The following FRAS1 variants were observed in gnomAD, a reference collection of about 807,000 sequenced individuals.
FRAS1 encodes extracellular matrix organizing protein FRAS1.
FRAS1 carries 290 observed loss-of-function variants against 435.2 expected under a neutral mutation model. The observed-to-expected ratio is 0.67, with a 90% confidence interval of 0.61 to 0.73. The LOEUF (loss-of-function observed/expected upper bound fraction) is 0.73, where lower values mean the gene tolerates loss of function less well. Among genes scored for constraint, FRAS1 ranks in the 30% least tolerant of loss-of-function variants. The probability of loss-of-function intolerance (pLI) is 0.00; values close to 1 mark genes in which losing one functional copy is unlikely to be tolerated. For synonymous variants in FRAS1, 1,800 were observed against 1,851.0 expected (o/e 0.97, Z 0.71); for missense variants, 4,860 against 5,001.5 (o/e 0.97, Z 0.85).
At chr4:78,059,524 G>T (rs1739650125) in intron 1 of FRAS1, among the ~76,000 whole-genome samples, 1 of 147,236 alleles carries the variant, frequency 6.8e-6, no homozygotes, top group Admixed American at 6.8e-5. Context: ...AAAAAAAAAA[G>T]CTTGTAGGGC....
chr4:78,270,023 G>C (rs1003758311), intron 9 of FRAS1, among the ~76,000 whole-genome samples: 1 of 152,144 alleles, frequency 6.6e-6, no homozygotes, highest in South Asian at 2.1e-4. Context: ...GGTGGGGAAA[G>C]GGTAGAGATT....
rs1043128715 is a variant in FRAS1 at position 78,364,050 on chromosome 4, C to T, written c.2718C>T (p.Cys906=). ...ACTATCTTGATGACAATCATGTTTG[C>T]CAGCGTAGGTTTTTCCAATGAACCT... ...PGHYLDDNHV[C]QPCNTHCGSC... is the part of the protein sequence containing the mutation. Residue 906 remains cysteine (C), a synonymous_variant, in exon 22 of 74, where the codon TGC becomes TGT. Transcript: ENST00000512123. 1 of 1,581,180 alleles carries T rather than the reference C, an allele frequency of 6.3e-7. No homozygotes were observed. Among genetic ancestry groups the T allele is most frequent in the Admixed American group, 1.8e-5 (1 of 54,480 alleles).
intron 2 of FRAS1, among the ~76,000 whole-genome samples, chr4:78,134,728 A>G (rs1373903399): frequency 6.6e-6 from 1 of 152,160 alleles, no homozygotes; most frequent in Non-Finnish European, 1.5e-5. Context: ...AATAATTTTA[A>G]TATCCTAGGT....
chr4:78,319,481 T>C (rs74585149), intron 18 of FRAS1: 458 of 456,192 alleles, frequency 1.0e-3, no homozygotes, highest in African/African-American at 8.7e-3. Flanking sequence ...AGGCCATCTA[T>C]GAGTGGTTGA....
At chr4:78,190,790 G>C (rs182510837) in intron 2 of FRAS1, among the ~76,000 whole-genome samples, 1 of 152,296 alleles carries the variant, frequency 6.6e-6, no homozygotes, top group African/African-American at 2.4e-5. Context: ...ACAGTTTCAA[G>C]GGGTTCCATG....
chr4:78,479,195 T>A (rs1013200819), intron 55 of FRAS1, among the ~76,000 whole-genome samples, 179 bp from the exon 56 acceptor site: 10 of 152,374 alleles, frequency 6.6e-5, no homozygotes, highest in African/African-American at 2.4e-4. Context: ...TATTAAATCC[T>A]CAAGTGGTTT....
chr4:78,092,420 A>G (rs1483483037), intron 2 of FRAS1, among the ~76,000 whole-genome samples: 1 of 152,200 alleles, frequency 6.6e-6, no homozygotes, highest in Non-Finnish European at 1.5e-5. Flanking sequence ...GAAGGCAAGG[A>G]GGAGCAAGTC....
At chr4:78,201,501 T>G (rs907351979) in intron 2 of FRAS1, among the ~76,000 whole-genome samples, 1 of 152,142 alleles carries the variant, frequency 6.6e-6, no homozygotes, top group Non-Finnish European at 1.5e-5. Flanking sequence ...TTTCAGTGCT[T>G]TGACTAGAGA....
chr4:78,434,622 ATGAC>A (rs1734343029), intron 38 of FRAS1, among the ~76,000 whole-genome samples: 2 of 152,216 alleles, frequency 1.3e-5, no homozygotes, highest in South Asian at 2.1e-4. Flanking sequence ...AATTGATGCT[ATGAC>A]TGACTATGTA....
At position 78,472,262 on chromosome 4, in the gene FRAS1, C is replaced by A; in HGVS notation, c.7454C>A (p.Thr2485Lys). The A allele has an allele frequency of 6.2e-7, 1 of 1,613,704 alleles. No homozygotes were observed. The highest frequency in any genetic ancestry group is 8.5e-7 in the Non-Finnish European group (1 of 1,179,726). ...EDAQLVYEIT[T>K]GPKHGFVENK... Reference sequence around the variant, plus strand: ...GCGCAGCTTGTCTATGAGATAACGACGGGCCCTAAGCATGGCTTTGTGGAG... The same window carrying A: ...GCGCAGCTTGTCTATGAGATAACGAAGGGCCCTAAGCATGGCTTTGTGGAG... The change falls in exon 52 of 74, where the codon ACG (threonine) becomes AAG (lysine). Residue 2485 changes from threonine (T) to lysine (K), a missense_variant. By Grantham distance (78) the Thr-to-Lys change is moderately conservative (BLOSUM62 -1). Transcript: ENST00000512123.
chr4:78,471,052 A>G (rs2109851068), intron 51 of FRAS1, among the ~76,000 whole-genome samples: 1 of 152,348 alleles, frequency 6.6e-6, no homozygotes, highest in East Asian at 1.9e-4. Flanking sequence ...AGTGTCTACC[A>G]TAAATGAGAA....
intron 28 of FRAS1, among the ~76,000 whole-genome samples, chr4:78,384,365 A>C (rs1472505127): frequency 1.3e-5 from 2 of 152,184 alleles, no homozygotes; most frequent in East Asian, 3.9e-4. Context: ...TTATAGTCTT[A>C]GTGTTTCACG....
intron 2 of FRAS1, among the ~76,000 whole-genome samples, chr4:78,235,365 A>C (rs1430508975): frequency 6.6e-6 from 1 of 152,178 alleles, no homozygotes; most frequent in Non-Finnish European, 1.5e-5. Context: ...CCAGTTTCCT[A>C]GCTCATCTCA....
In FRAS1 at chr4:78,153,204, C is replaced by T. The variant is rs562571023; in HGVS notation, c.109-84306C>T. Among the ~76,000 whole-genome samples the T allele has an allele frequency of 3.3e-5, 5 of 152,206 alleles. No individual in the cohort carries two copies. In the East Asian group the frequency reaches 9.7e-4, roughly 29 times the overall value. On this transcript the variant is annotated intron_variant, in intron 2 of 73. Coordinates refer to ENST00000512123, the MANE Select transcript of FRAS1 (RefSeq NM_025074.7). ...GATAGCCTTCCAGCCTTCATTCCCCCCACCCCTCACCCTCTGCCTACTTTG... is the reference window on the plus strand; with the variant it reads ...GATAGCCTTCCAGCCTTCATTCCCCTCACCCCTCACCCTCTGCCTACTTTG...
chr4:78,243,713 T>C (rs1180624068), intron 3 of FRAS1, among the ~76,000 whole-genome samples: 2 of 151,970 alleles, frequency 1.3e-5, no homozygotes, highest in Non-Finnish European at 2.9e-5. Flanking sequence ...CACACATACA[T>C]ATTATTATAT....
intron 2 of FRAS1, among the ~76,000 whole-genome samples, chr4:78,098,276 CTTTT>C (rs5859606): frequency 2.3e-5 from 3 of 132,760 alleles, no homozygotes; most frequent in Non-Finnish European, 1.6e-5. Flanking sequence ...TAGATCTTTT[CTTTT>C]TTTTTTTTTT....
intron 32 of FRAS1, among the ~76,000 whole-genome samples, chr4:78,413,473 G>A (rs1733430965): frequency 6.6e-6 from 1 of 152,140 alleles, no homozygotes; most frequent in African/African-American, 2.4e-5. Flanking sequence ...TCTTCTAGAA[G>A]CCCTATGAGA....
chr4:78,528,422 A>T (rs1432506363), intron 70 of FRAS1, among the ~76,000 whole-genome samples: 1 of 152,200 alleles, frequency 6.6e-6, no homozygotes, highest in Non-Finnish European at 1.5e-5. Context: ...CCTTCACATC[A>T]TCCATTCCCT....
At chr4:78,460,166 A>G (rs1042182548) in intron 47 of FRAS1, among the ~76,000 whole-genome samples, 1 of 152,202 alleles carries the variant, frequency 6.6e-6, no homozygotes, top group African/African-American at 2.4e-5. Context: ...TGCAAGTGGG[A>G]GGACTGAGGC....
Sources: gnomAD v4.1 joint callset for allele counts (sites outside exome capture counted in the v4.1 genomes callset) on GRCh38, gnomAD v4.1.1 for gene constraint, MANE v1.5 for transcripts, NCBI Gene and HGNC (gene_info 2026-07-23, HGNC 2026-07-21) for gene names.